EHBP1L1: variants seen among roughly 807,000 people sequenced by gnomAD.
EHBP1L1 encodes the protein EH domain-binding protein 1-like protein 1.
EHBP1L1 carries 122 observed loss-of-function variants against 151.1 expected under a neutral mutation model. The observed-to-expected ratio is 0.81, with a 90% CI of 0.70 to 0.94. The LOEUF (loss-of-function observed/expected upper bound fraction) is 0.94, where lower values mean the gene tolerates loss of function less well. Among genes scored for constraint, EHBP1L1 ranks in the 40% least tolerant of loss-of-function variants. The pLI, the probability that EHBP1L1 is intolerant of heterozygous loss-of-function variation, is 0.00. For missense variants in EHBP1L1, 1,941 were observed against 1,959.8 expected (o/e 0.99, Z 0.18); for synonymous variants, 878 against 810.1 (o/e 1.08, Z -1.42).
Position 65,582,901 on chromosome 11 carries a change from A to T in EHBP1L1, c.2229A>T (p.Ile743=), listed in dbSNP as rs1270774316. 6 of 1,613,470 alleles carry T rather than the reference A, an allele frequency of 3.7e-6. No homozygotes were observed. Among genetic ancestry groups the T allele is most frequent in the Non-Finnish European group, 5.1e-6 (6 of 1,179,816 alleles). The change falls in exon 9 of 19, where the codon ATA becomes ATT. Residue 743 remains isoleucine, a synonymous_variant. Coordinates refer to ENST00000309295, the MANE Select transcript of EHBP1L1 (RefSeq NM_001099409.3). Reference sequence around the variant, plus strand: ...GGGTCAGAGAGATAGAAGCAGAGATAGCAGAGTCTGACATATTGGTAGCCC... The same window carrying T: ...GGGTCAGAGAGATAGAAGCAGAGATTGCAGAGTCTGACATATTGGTAGCCC... ...DSGVREIEAE[I]AESDILVAQE... is the part of the protein sequence containing the mutation.
intron 16 of EHBP1L1, chr11:65,591,480 T>G: frequency 2.1e-6 from 1 of 467,424 alleles, no homozygotes; most frequent in Non-Finnish European, 3.9e-6. Flanking sequence ...TTTGCCTCCC[T>G]TTTGCGTTTG....
At chr11:65,583,888 TGAA>T (rs1486981670) in intron 9 of EHBP1L1, 123 bp downstream of exon 9, 1 of 1,420,866 alleles carries the variant, frequency 7.0e-7, no homozygotes, top group Non-Finnish European at 9.1e-7. Context: ...GGGCTCAGCT[TGAA>T]GGAGCCCCCT....
rs1457887680 is a variant in EHBP1L1 at position 65,583,704 on chromosome 11, G to T, written c.3032G>T (p.Gly1011Val). Residue 1011 changes from glycine to valine, a missense_variant, in exon 9 of 19, where the codon GGG becomes GTG. Coordinates refer to ENST00000309295, the MANE Select transcript of EHBP1L1 (RefSeq NM_001099409.3). ...CAGGTGGCCAGTGGGGCAGGGGCTGGGGCGCCCAGGGCCTCTTCCCCAGAG... is the reference window on the plus strand; with the variant it reads ...CAGGTGGCCAGTGGGGCAGGGGCTGTGGCGCCCAGGGCCTCTTCCCCAGAG... The part of the protein sequence containing the change: ...EAQVASGAGA[G>V]APRASSPEKA... 1.3e-6 allele frequency: 2 copies of T among 1,559,370 alleles called. No individual in the cohort carries two copies. Among genetic ancestry groups the T allele is most frequent in the Admixed American group, 2.0e-5 (1 of 50,958 alleles).
At chr11:65,587,517 T>A (rs1278375554) in intron 12 of EHBP1L1, among the ~76,000 whole-genome samples, 2 of 152,206 alleles carry the variant, frequency 1.3e-5, no homozygotes, top group Non-Finnish European at 2.9e-5. Flanking sequence ...CAGCACTCTT[T>A]ATGTGCCTGG....
intron 12 of EHBP1L1, among the ~76,000 whole-genome samples, chr11:65,587,850 T>G (rs1858053285): frequency 6.6e-6 from 1 of 152,190 alleles, no homozygotes; most frequent in Admixed American, 6.5e-5. Flanking sequence ...TTTCCTCATC[T>G]GTAAAGTGGG....
At chr11:65,576,437 C>T (rs764228667) in intron 1 of EHBP1L1, 31 bp downstream of exon 1, 33 of 1,539,672 alleles carry the variant, frequency 2.1e-5, no homozygotes, top group South Asian at 1.9e-4. Context: ...GGGGCTCCCC[C>T]GAACTTGCTG....
intron 11 of EHBP1L1, 155 bp downstream of exon 11, chr11:65,584,689 C>T (rs910789794): frequency 8.6e-7 from 1 of 1,160,538 alleles, no homozygotes; most frequent in Non-Finnish European, 1.2e-6. Flanking sequence ...GTTTGTTTTC[C>T]TTATTTTCGT....
chr11:65,579,413 G>T lies in EHBP1L1; in HGVS notation c.235G>T (p.Asp79Tyr). The change falls in exon 3 of 19, where the codon GAC becomes TAC. Residue 79 changes from aspartate to tyrosine, a missense_variant. Transcript: ENST00000309295. ...GGTGTGGATGGTACCTGAGAATGTG[G>T]ACATCTCTGTGACCCTCTACAGGGT... is the stretch of plus-strand genomic sequence containing the variant. ...TVVWMVPENVDISVTLYRDPH... is the reference protein window; with the variant it reads ...TVVWMVPENVYISVTLYRDPH... 1 of 1,565,390 alleles carries T rather than the reference G, an allele frequency of 6.4e-7. No homozygotes were observed. Among genetic ancestry groups the T allele is most frequent in the Non-Finnish European group, 8.7e-7 (1 of 1,154,512 alleles).
chr11:65,581,215 C>T lies in EHBP1L1; in HGVS notation c.708C>T (p.Ala236=). 1 of 1,609,478 alleles carries T rather than the reference C, an allele frequency of 6.2e-7. No individual in the cohort carries two copies. Among genetic ancestry groups the T allele is most frequent in the East Asian group, 2.2e-5 (1 of 44,772 alleles). Residue 236 remains alanine (A), a synonymous_variant, in exon 8 of 19, where the codon GCC becomes GCT. Coordinates refer to ENST00000309295, the MANE Select transcript of EHBP1L1 (RefSeq NM_001099409.3). ...TGTCCCCCTCTTTCTTCTCAGTTGCCAGCCCTTCTAATGCTGAGGATACCA... is the reference window on the plus strand; with the variant it reads ...TGTCCCCCTCTTTCTTCTCAGTTGCTAGCCCTTCTAATGCTGAGGATACCA... The part of the protein sequence containing the change: ...EGQGRPQQAV[A]SPSNAEDTSP...
chr11:65,585,389 G>C lies in EHBP1L1; in HGVS notation c.3731G>C (p.Gly1244Ala), dbSNP rs1218086940. The C allele has an allele frequency of 5.4e-6, 7 of 1,303,114 alleles. No homozygotes were observed. In the South Asian group the frequency reaches 1.0e-4, roughly 19 times the overall value. 80.7% of individuals were successfully genotyped at this position (1,303,114 alleles called of 1,614,324 possible). A position where few individuals can be genotyped will look rare whatever the true frequency, so the allele number is the denominator to read the frequency against. The change falls in exon 12 of 19, where the codon GGG becomes GCG. Residue 1244 changes from glycine (G) to alanine (A), a missense_variant. Physicochemically the swap from Gly to Ala is moderately conservative, Grantham distance 60. Transcript: ENST00000309295. This position sits in a 1 kb window ranked among gnomAD's most constrained non-coding sequence, Gnocchi z 4.0. ...GCCGAGGGGCTGGTGAACGGGGCGGGGGCACCGGGCGGCGGCGGCGTGAGG... is the reference window on the plus strand; with the variant it reads ...GCCGAGGGGCTGGTGAACGGGGCGGCGGCACCGGGCGGCGGCGGCGTGAGG... Reference protein sequence around the residue: ...VPAEGLVNGAGAPGGGGVRLR... With the variant: ...VPAEGLVNGAAAPGGGGVRLR...
At position 65,581,249 on chromosome 11, in the gene EHBP1L1, C is replaced by T. The variant is rs1323033862; in HGVS notation, c.742C>T (p.Pro248Ser). ...TAATGCTGAGGATACCAGCCCAGCC[C>T]CTGTGAGTGCTCCTGCACCCCCAGC... ...PSNAEDTSPA[P>S]VSAPAPPART... The change falls in exon 8 of 19, where the codon CCT becomes TCT. Residue 248 changes from proline (P) to serine (S), a missense_variant. Transcript: ENST00000309295. 3 of 1,611,428 alleles carry T rather than the reference C, an allele frequency of 1.9e-6. No individual in the cohort carries two copies. The highest frequency in any genetic ancestry group is 2.5e-6 in the Non-Finnish European group (3 of 1,179,262).
chr11:65,577,855 CAGAG>C (rs925496988), intron 1 of EHBP1L1, among the ~76,000 whole-genome samples: 5 of 152,208 alleles, frequency 3.3e-5, no homozygotes, highest in African/African-American at 7.2e-5. Flanking sequence ...TCAGGGTTAA[CAGAG>C]AGGCACTTAT....
At chr11:65,577,488 A>G (rs1473022824) in intron 1 of EHBP1L1, among the ~76,000 whole-genome samples, 2 of 152,200 alleles carry the variant, frequency 1.3e-5, no homozygotes, top group African/African-American at 4.8e-5. Context: ...GGCCAGGGAA[A>G]CACTGGGCAC....
In EHBP1L1 at chr11:65,580,136, A is replaced by C; in HGVS notation, c.368A>C (p.His123Pro). Residue 123 changes from histidine (H) to proline (P), a missense_variant, in exon 5 of 19, where the codon CAT becomes CCT. By Grantham distance (77) the His-to-Pro change is moderately conservative. Coordinates refer to ENST00000309295, the MANE Select transcript of EHBP1L1 (RefSeq NM_001099409.3). ...ACGGCCGAGGTGGACCTGGCCCGCCATGCAGGGCCCGTGCCTGTCCAAGTC... is the reference window on the plus strand; with the variant it reads ...ACGGCCGAGGTGGACCTGGCCCGCCCTGCAGGGCCCGTGCCTGTCCAAGTC... ...LATAEVDLARHAGPVPVQVPV... is the reference protein window; with the variant it reads ...LATAEVDLARPAGPVPVQVPV... 1.2e-6 allele frequency: 2 copies of C among 1,613,680 alleles called. No homozygotes were observed. The highest frequency in any genetic ancestry group is 1.7e-6 in the Non-Finnish European group (2 of 1,179,832).
rs891632123 is a variant in EHBP1L1 at position 65,583,515 on chromosome 11, A to G, written c.2843A>G (p.Lys948Arg). 1 of 1,613,390 alleles carries G rather than the reference A, an allele frequency of 6.2e-7. No homozygotes were observed. The highest frequency in any genetic ancestry group is 1.3e-5 in the African/African-American group (1 of 74,886). ...GGGGTTTGGGGGATGTCAGAGGGCAAATCTGGGGCTTGGGGGGCCCAGGAA... is the reference window on the plus strand; with the variant it reads ...GGGGTTTGGGGGATGTCAGAGGGCAGATCTGGGGCTTGGGGGGCCCAGGAA... ...EAGVWGMSEG[K>R]SGAWGAQEAE... The change falls in exon 9 of 19, where the codon AAA becomes AGA. Residue 948 changes from lysine (K) to arginine (R), a missense_variant. Transcript: ENST00000309295.
Position 65,581,258 on chromosome 11 carries a change from G to A in EHBP1L1, c.751G>A (p.Ala251Thr), listed in dbSNP as rs1226460984. ...AEDTSPAPVS[A>T]PAPPARTSRG... ...GGATACCAGCCCAGCCCCTGTGAGT[G>A]CTCCTGCACCCCCAGCCAGAACCTC... The change falls in exon 8 of 19, where the codon GCT becomes ACT. Residue 251 changes from alanine (A) to threonine (T), a missense_variant. Physicochemically the swap from Ala to Thr is moderately conservative, Grantham distance 58 (BLOSUM62 0). Transcript: ENST00000309295. 2.5e-6 allele frequency: 4 copies of A among 1,611,272 alleles called. No homozygotes were observed. The highest frequency in any genetic ancestry group is 1.1e-5 in the South Asian group (1 of 90,978).
chr11:65,591,689 C>T (rs1192469677), intron 16 of EHBP1L1, 111 bp from the exon 17 acceptor site: 1 of 855,964 alleles, frequency 1.2e-6, no homozygotes, highest in Admixed American at 2.0e-5. Context: ...TCGGGAACTG[C>T]TGGGGAGGTG....
At chr11:65,591,779 C>A (rs1590842885) in intron 16 of EHBP1L1, 21 bp from the exon 17 acceptor site, 1 of 1,402,576 alleles carries the variant, frequency 7.1e-7, no homozygotes, top group East Asian at 2.5e-5. Flanking sequence ...CCCCCGCCAC[C>A]CACCCCCCGC....
chr11:65,576,217 AGGCCATG>A lies in EHBP1L1; in HGVS notation c.-83_-77del. On this transcript the variant is annotated 5_prime_UTR_variant, in exon 1 of 19. It removes an upstream start codon present in the reference 5' UTR. Coordinates refer to ENST00000309295, the MANE Select transcript of EHBP1L1 (RefSeq NM_001099409.3). ...CACGGACGGGGCGGGCGGCGCGGAC[AGGCCATG>A]GGGACCCGGGCCGGGCCAGCGGTGG... The A allele has an allele frequency of 8.5e-7, 1 of 1,183,096 alleles. No homozygotes were observed. 73.3% of individuals were successfully genotyped at this position (1,183,096 alleles called of 1,614,324 possible).
Sources: allele counts gnomAD v4.1 joint callset (sites outside exome capture counted in the v4.1 genomes callset), GRCh38; gene constraint gnomAD v4.1.1; non-coding constraint Gnocchi (gnomAD v3.1); transcripts MANE v1.5; gene names NCBI Gene and HGNC (gene_info 2026-07-23, HGNC 2026-07-21).